Variants in CHM observed in about 807,000 individuals in gnomAD.
CHM encodes the protein CHM Rab escort protein, also known as rab proteins geranylgeranyltransferase component A 1.
CHM carries 10 observed loss-of-function variants against 49.0 expected under a neutral mutation model. That is an observed-to-expected ratio of 0.20 (90% CI 0.13 to 0.35). The LOEUF (loss-of-function observed/expected upper bound fraction) is 0.35, where lower values mean the gene tolerates loss of function less well. Among genes scored for constraint, CHM ranks in the 10% least tolerant of loss-of-function variants. CHM has a pLI of 1.00. For missense variants in CHM, 455 were observed against 478.4 expected (o/e 0.95, Z 0.46); for synonymous variants, 184 against 167.5 (o/e 1.10, Z -0.76).
chrX:85,923,271 T>G (rs1927899987), intron 8 of CHM, among the ~76,000 whole-genome samples: 1 of 112,591 alleles, frequency 8.9e-6, no homozygotes, highest in Non-Finnish European at 1.9e-5. Context: ...GTAAAGTGCT[T>G]ACTATCTGCC....
At position 85,981,206 on chromosome X, in the gene CHM, C is replaced by A. The variant is rs868392141; in HGVS notation, c.189+531G>T. Among the ~76,000 whole-genome samples the A allele has an allele frequency of 8.9e-3, 480 of 54,080 alleles. 11 individuals carry two copies. The highest frequency in any genetic ancestry group is 0.028 in the African/African-American group (458 of 16,334). 47.0% of individuals were successfully genotyped at this position (54,080 alleles called of 115,157 possible). A position where few individuals can be genotyped will look rare whatever the true frequency, so the allele number is the denominator to read the frequency against. ...TACTCTTCAACCAACATTTCTATTT[C>A]TATATATATATATAGACACACATAT... On this transcript the variant is annotated intron_variant, in intron 3 of 14. Coordinates refer to ENST00000357749, the MANE Select transcript of CHM (RefSeq NM_000390.4).
rs535718992 is a variant in CHM at position 85,863,209 on chromosome X, C to T, written c.*1421G>A. 1 of 110,355 alleles carries T rather than the reference C, an allele frequency of 9.1e-6. No individual in the cohort carries two copies. Among genetic ancestry groups the T allele is most frequent in the African/African-American group, 3.3e-5 (1 of 30,177 alleles). The allele number at this position is 110,355 out of a possible 1,213,427, so 9.1% of individuals were successfully genotyped here. ...CCTGGTTCAAGTGAGTCTGCTACCT[C>T]ATCTTCAAAGTAGCTGGGATTACAG... On this transcript the variant is annotated 3_prime_UTR_variant, in exon 15 of 15. Transcript: ENST00000357749.
intron 8 of CHM, among the ~76,000 whole-genome samples, chrX:85,954,009 C>T (rs62608912): frequency 0.23 from 24,925 of 110,672 alleles, 2,165 homozygotes; most frequent in Non-Finnish European, 0.25. Flanking sequence ...AAGAGAATAT[C>T]TGCAAACTAC....
intron 4 of CHM, among the ~76,000 whole-genome samples, chrX:85,972,699 G>A (rs1206124799): frequency 1.8e-5 from 2 of 112,448 alleles, no homozygotes; most frequent in African/African-American, 3.2e-5. Context: ...CAGCTGGCCC[G>A]CAAGCGCCAC....
intron 12 of CHM, among the ~76,000 whole-genome samples, chrX:85,887,530 G>A (rs1174244008): frequency 9.0e-6 from 1 of 111,640 alleles, no homozygotes; most frequent in Non-Finnish European, 1.9e-5. Flanking sequence ...CCATTAGAGT[G>A]GGGCGCTGCT....
intron 5 of CHM, among the ~76,000 whole-genome samples, chrX:85,960,840 T>C (rs774371011): frequency 9.0e-6 from 1 of 111,685 alleles, no homozygotes; most frequent in South Asian, 3.8e-4. Flanking sequence ...AATTTTTCCT[T>C]AGCATGTTGG....
At chrX:85,868,219 A>C in intron 14 of CHM, among the ~76,000 whole-genome samples, 1 of 111,961 alleles carries the variant, frequency 8.9e-6, no homozygotes, top group African/African-American at 3.2e-5. Flanking sequence ...GAATCTAAAA[A>C]AGTTGAGGGT....
At chrX:85,925,823 G>T (rs749597317) in intron 8 of CHM, among the ~76,000 whole-genome samples, 1 of 111,157 alleles carries the variant, frequency 9.0e-6, no homozygotes, top group Non-Finnish European at 1.9e-5. Flanking sequence ...GATTATGTTG[G>T]TTTTTCTGAA....
intron 13 of CHM, among the ~76,000 whole-genome samples, chrX:85,876,497 T>C (rs747147297): frequency 1.8e-5 from 2 of 112,020 alleles, no homozygotes; most frequent in East Asian, 5.6e-4. Flanking sequence ...AGTTCCTTCT[T>C]CCTCATTTAG....
intron 2 of CHM, among the ~76,000 whole-genome samples, chrX:86,026,789 C>A (rs910193995): frequency 4.7e-4 from 52 of 111,600 alleles, no homozygotes; most frequent in African/African-American, 1.5e-3. Context: ...TAGTTAATAT[C>A]TAACAGAAAA....
chrX:85,978,695 A>G, intron 4 of CHM, 72 bp downstream of exon 4: 3 of 1,064,599 alleles, frequency 2.8e-6, no homozygotes, highest in Non-Finnish European at 3.9e-6. Flanking sequence ...ATAAATCTTT[A>G]TTGTTGGCTT....
At chrX:85,914,258 T>C (rs1449363988) in intron 8 of CHM, among the ~76,000 whole-genome samples, 1 of 110,397 alleles carries the variant, frequency 9.1e-6, no homozygotes, top group Non-Finnish European at 1.9e-5. Flanking sequence ...CTCACCATGC[T>C]CCTCTAGGTG....
intron 2 of CHM, among the ~76,000 whole-genome samples, chrX:86,000,268 T>C (rs1322149945): frequency 8.5e-5 from 1 of 11,757 alleles, no homozygotes; most frequent in Non-Finnish European, 1.5e-4. Flanking sequence ...TAAGTCTTCC[T>C]GAAAAAAAAA....
intron 12 of CHM, among the ~76,000 whole-genome samples, chrX:85,893,901 C>A (rs1221959724): frequency 9.0e-6 from 1 of 111,523 alleles, no homozygotes; most frequent in Non-Finnish European, 1.9e-5. Flanking sequence ...AAATGTTATG[C>A]AACCAGGTTT....
chrX:85,889,577 A>G (rs1925312144), intron 12 of CHM, among the ~76,000 whole-genome samples: 1 of 112,387 alleles, frequency 8.9e-6, no homozygotes, highest in African/African-American at 3.2e-5. Context: ...GCTGCAGAGA[A>G]AAGGGAATGC....
chrX:85,952,499 C>A (rs763813075), intron 8 of CHM, among the ~76,000 whole-genome samples: 9 of 111,423 alleles, frequency 8.1e-5, no homozygotes, highest in Non-Finnish European at 1.7e-4. Flanking sequence ...AAGGAAGGAC[C>A]CAATCCTGGC....
intron 2 of CHM, among the ~76,000 whole-genome samples, chrX:86,022,020 G>A: frequency 9.0e-6 from 1 of 111,628 alleles, no homozygotes; most frequent in East Asian, 2.8e-4. Flanking sequence ...GTTGCTAGTG[G>A]CTGGAAGAGC....
At chrX:85,963,423 G>A (rs1243375131) in intron 5 of CHM, among the ~76,000 whole-genome samples, 1 of 112,616 alleles carries the variant, frequency 8.9e-6, no homozygotes, top group Non-Finnish European at 1.9e-5. Context: ...TTAGGTTGTA[G>A]TATGTGCTCA....
intron 2 of CHM, among the ~76,000 whole-genome samples, chrX:85,986,535 G>T (rs1931923406): frequency 9.0e-6 from 1 of 111,558 alleles, no homozygotes; most frequent in Non-Finnish European, 1.9e-5. Context: ...TGGATGACAC[G>T]CCAAAGCTTC....
Sources: gnomAD v4.1 joint callset for allele counts (sites outside exome capture counted in the v4.1 genomes callset) on GRCh38, gnomAD v4.1.1 for gene constraint, MANE v1.5 for transcripts, NCBI Gene and HGNC (gene_info 2026-07-23, HGNC 2026-07-21) for gene names.